The following COPG1 variants were observed in gnomAD, a reference collection of about 807,000 sequenced individuals.
COPG1 encodes the protein coat protein complex I subunit gamma 1.
In COPG1, 29 loss-of-function variants were observed where a neutral mutation model predicts 102.8. The ratio of observed to expected loss-of-function variants is 0.28; its 90% CI spans 0.21 to 0.38. The LOEUF is 0.38. Among genes scored for constraint, COPG1 ranks in the 10% least tolerant of loss-of-function variants. The probability of loss-of-function intolerance (pLI) is 1.00; values close to 1 mark genes in which losing one functional copy is unlikely to be tolerated. For synonymous variants in COPG1, 406 were observed against 421.6 expected, an observed-to-expected ratio of 0.96 and a Z score of 0.45; for missense variants, 875 against 1,132.7, an observed-to-expected ratio of 0.77 and a Z score of 3.27.
intron 14 of COPG1, 89 bp from the exon 15 acceptor site, chr3:129,266,935 G>T (rs749480299): frequency 2.6e-5 from 30 of 1,137,368 alleles, no homozygotes; most frequent in Non-Finnish European, 4.0e-5. Context: ...GGGCTCTTCT[G>T]CCTGAAGACC....
chr3:129,276,823 C>CTTTTTTTTT (rs34883126), intron 23 of COPG1, among the ~76,000 whole-genome samples: 1 of 129,936 alleles, frequency 7.7e-6, no homozygotes, highest in African/African-American at 3.0e-5. Flanking sequence ...CAGTGACTTT[C>CTTTTTTTTT]TTTTTTTTTT....
intron 19 of COPG1, 30 bp from the exon 20 acceptor site, chr3:129,272,214 T>C (rs780042882): frequency 6.2e-7 from 1 of 1,602,434 alleles, no homozygotes; most frequent in African/African-American, 1.3e-5. Context: ...CCTAGTGCAA[T>C]GTTTAAGCTC....
intron 4 of COPG1, 24 bp downstream of exon 4, chr3:129,252,718 C>A: frequency 6.2e-7 from 1 of 1,608,136 alleles, no homozygotes; most frequent in Non-Finnish European, 8.5e-7. Context: ...CCCAGCTTTC[C>A]TTGAGAGGTG....
chr3:129,272,846 A>G lies in COPG1; in HGVS notation c.2198A>G (p.Lys733Arg). The change falls in exon 21 of 24, where the codon AAG becomes AGG. Residue 733 changes from lysine to arginine, a missense_variant. Transcript: ENST00000314797. ...AGCTGCATGATGAAGTTCACTGTCA[A>G]GGACTGTGATCCCACCACTGGGGAG... is the stretch of plus-strand genomic sequence containing the variant. The part of the protein sequence containing the change: ...TFSCMMKFTV[K>R]DCDPTTGETD... 2 of 1,613,416 alleles carry G rather than the reference A, an allele frequency of 1.2e-6. No homozygotes were observed. The highest frequency in any genetic ancestry group is 1.7e-6 in the Non-Finnish European group (2 of 1,179,464).
Position 129,260,156 on chromosome 3 carries a change from G to A in COPG1, c.872-177G>A, listed in dbSNP as rs1045814934. 5 of 633,404 alleles carry A rather than the reference G, an allele frequency of 7.9e-6. No homozygotes were observed. In the Admixed American group the frequency reaches 8.2e-5, roughly 10 times the overall value. 39.2% of individuals were successfully genotyped at this position (633,404 alleles called of 1,614,324 possible). A position where few individuals can be genotyped will look rare whatever the true frequency, so the allele number is the denominator to read the frequency against. ...CCCCTGGGTGCTCACAGACATTATG[G>A]CCTCTGTCCATGGCTCAGGTGCGCA... On this transcript the variant is annotated intron_variant, in intron 10 of 23. Coordinates refer to ENST00000314797, the MANE Select transcript of COPG1 (RefSeq NM_016128.4).
At chr3:129,254,590 C>A in intron 5 of COPG1, 78 bp from the exon 6 acceptor site, 1 of 1,048,744 alleles carries the variant, frequency 9.5e-7, no homozygotes, top group Non-Finnish European at 1.5e-6. Context: ...GTAATCTGGG[C>A]AAGGGTGGTG....
chr3:129,263,037 AGTCCTTCT>A (rs1365786155), intron 12 of COPG1, among the ~76,000 whole-genome samples: 6,564 of 130,110 alleles, frequency 0.05, 711 homozygotes, highest in African/African-American at 0.2. Context: ...AAAAAAAAAG[AGTCCTTCT>A]GGAGCAGAGT....
intron 1 of COPG1, among the ~76,000 whole-genome samples, chr3:129,250,149 C>T (rs1560060638): frequency 6.6e-6 from 1 of 152,196 alleles, no homozygotes; most frequent in Non-Finnish European, 1.5e-5. Flanking sequence ...CTGACCCCAT[C>T]ATTCATTTAT....
chr3:129,260,763 A>G lies in COPG1; in HGVS notation c.1084A>G (p.Lys362Glu). The stretch of plus-strand genomic sequence containing the variant: ...CGAGAGCAGCATCGACCGCCTCATG[A>G]AGCAGATCTCCTCCTTCATGTCAGA... ...GSESSIDRLM[K>E]QISSFMSEIS... The change falls in exon 12 of 24, where the codon AAG becomes GAG. Residue 362 changes from lysine (K) to glutamate (E), a missense_variant. Lys to Glu is a moderately conservative substitution (Grantham distance 56). Transcript: ENST00000314797. 1 of 1,612,748 alleles carries G rather than the reference A, an allele frequency of 6.2e-7. No individual in the cohort carries two copies. The highest frequency in any genetic ancestry group is 2.2e-5 in the East Asian group (1 of 44,866).
chr3:129,254,850 G>A, intron 6 of COPG1, 107 bp downstream of exon 6: 1 of 1,218,090 alleles, frequency 8.2e-7, no homozygotes, highest in Non-Finnish European at 1.2e-6. Flanking sequence ...GGTGATGTGG[G>A]GTGGAGGCAG....
intron 13 of COPG1, among the ~76,000 whole-genome samples, 167 bp downstream of exon 13, chr3:129,264,166 A>T (rs1940006988): frequency 6.6e-6 from 1 of 152,198 alleles, no homozygotes; most frequent in African/African-American, 2.4e-5. Flanking sequence ...GTAAACACGT[A>T]CCAATTGCTA....
chr3:129,275,992 ACACACAG>A lies in COPG1; in HGVS notation c.2494+701_2494+707del, dbSNP rs1419984414. 6.6e-6 allele frequency among the ~76,000 whole-genome samples: 1 copy of A among 151,884 alleles called. No homozygotes were observed. The highest frequency in any genetic ancestry group is 2.4e-5 in the African/African-American group (1 of 41,170). Reference sequence around the variant, plus strand: ...CGTGTACACACACACACACACACACACACACAGTTTACTTTGCATGTGTACACTGAGA... The same window carrying A: ...CGTGTACACACACACACACACACACATTTACTTTGCATGTGTACACTGAGA... On this transcript the variant is annotated intron_variant, in intron 23 of 23. Coordinates refer to ENST00000314797, the MANE Select transcript of COPG1 (RefSeq NM_016128.4). The surrounding 1 kb of genome is among the most constrained non-coding windows in gnomAD (Gnocchi z 5.0).
intron 12 of COPG1, among the ~76,000 whole-genome samples, chr3:129,262,790 C>T (rs780238986): frequency 2.6e-5 from 4 of 151,094 alleles, no homozygotes; most frequent in Non-Finnish European, 4.4e-5. Context: ...AGGCTGAGGT[C>T]GGCAGATCAC....
intron 4 of COPG1, 32 bp from the exon 5 acceptor site, chr3:129,252,844 G>A: frequency 6.2e-7 from 1 of 1,609,532 alleles, no homozygotes; most frequent in Non-Finnish European, 8.5e-7. Flanking sequence ...GGTGAGCCCG[G>A]GCTGATAGGG....
Position 129,256,072 on chromosome 3 carries a change from T to C in COPG1, c.497T>C (p.Leu166Pro), listed in dbSNP as rs1939802899. ...SSSALVSSLH[L>P]LKCSFDVVKR... is the part of the protein sequence containing the mutation. ...AATGTGTCCTGTTGCCCACAGCACC[T>C]GCTGAAGTGCAGCTTTGACGTGGTC... Residue 166 changes from leucine (L) to proline (P), a missense_variant, in exon 8 of 24, where the codon CTG becomes CCG. By Grantham distance (98) the Leu-to-Pro change is moderately conservative. Coordinates refer to ENST00000314797, the MANE Select transcript of COPG1 (RefSeq NM_016128.4). The C allele has an allele frequency of 1.2e-6, 2 of 1,613,754 alleles. No homozygotes were observed. Among genetic ancestry groups the C allele is most frequent in the Non-Finnish European group, 1.7e-6 (2 of 1,179,782 alleles).
At chr3:129,265,427 C>A in intron 13 of COPG1, 122 bp from the exon 14 acceptor site, 1 of 1,224,742 alleles carries the variant, frequency 8.2e-7, no homozygotes, top group Admixed American at 2.2e-5. Context: ...GATAGAGGCC[C>A]AGAGAACCAA....
At chr3:129,250,810 A>G (rs567842445) in intron 2 of COPG1, 76 bp downstream of exon 2, 2 of 1,333,822 alleles carry the variant, frequency 1.5e-6, no homozygotes, top group East Asian at 4.6e-5. Flanking sequence ...CAACACATTC[A>G]AAGTGTTGTT....
chr3:129,256,043 C>T (rs765033373), intron 7 of COPG1, 25 bp from the exon 8 acceptor site: 1 of 1,608,310 alleles, frequency 6.2e-7, no homozygotes, highest in Non-Finnish European at 8.5e-7. Flanking sequence ...CCTACCTGCC[C>T]CTTAATGTGT....
intron 1 of COPG1, among the ~76,000 whole-genome samples, chr3:129,249,982 C>G (rs111688829): frequency 6.6e-6 from 1 of 150,538 alleles, no homozygotes; most frequent in African/African-American, 2.5e-5. Flanking sequence ...CACCCCCCCC[C>G]CCAGGCCTCA....
Sources: allele counts gnomAD v4.1 joint callset (sites outside exome capture counted in the v4.1 genomes callset), GRCh38; gene constraint gnomAD v4.1.1; non-coding constraint Gnocchi (gnomAD v3.1); transcripts MANE v1.5; gene names NCBI Gene and HGNC (gene_info 2026-07-23, HGNC 2026-07-21).